LIPI: variants seen among roughly 807,000 people sequenced by gnomAD.
LIPI encodes lipase member I.
LIPI carries 59 observed loss-of-function variants against 50.6 expected under a neutral mutation model. The ratio of observed to expected loss-of-function variants is 1.16; its 90% CI spans 0.94 to 1.45. The LOEUF (loss-of-function observed/expected upper bound fraction) is 1.45. LIPI is among the 40% of genes most tolerant of loss of function. The pLI, the probability that LIPI is intolerant of heterozygous loss-of-function variation, is 0.00. For missense variants in LIPI, 586 were observed against 536.3 expected (o/e 1.09, Z -0.92); for synonymous variants, 203 against 178.2 (o/e 1.14, Z -1.11).
chr21:14,129,784 T>G (rs752012515), intron 9 of LIPI, among the ~76,000 whole-genome samples: 2 of 148,258 alleles, frequency 1.3e-5, no homozygotes, highest in African/African-American at 2.5e-5. Flanking sequence ...ATTTGTTCAA[T>G]AATGACTCTA....
chr21:14,187,013 T>C (rs757402374), intron 2 of LIPI, among the ~76,000 whole-genome samples: 6 of 152,214 alleles, frequency 3.9e-5, no homozygotes, highest in Non-Finnish European at 8.8e-5. Flanking sequence ...ATTATGCTAA[T>C]TTGCCTTCTT....
At chr21:14,159,577 T>G (rs73346025) in intron 7 of LIPI, among the ~76,000 whole-genome samples, 2,655 of 151,276 alleles carry the variant, frequency 0.018, 75 homozygotes, top group African/African-American at 0.06. Flanking sequence ...TTTTTTTTTC[T>G]CTAAGGCAAA....
chr21:14,122,776 C>G (rs1001235058), intron 9 of LIPI, among the ~76,000 whole-genome samples: 1 of 152,120 alleles, frequency 6.6e-6, no homozygotes, highest in Admixed American at 6.6e-5. Flanking sequence ...CCTTTTTGGA[C>G]TAAAGGACAT....
intron 1 of LIPI, among the ~76,000 whole-genome samples, chr21:14,199,628 AG>A (rs2019983206): frequency 6.6e-6 from 1 of 151,578 alleles, no homozygotes; most frequent in African/African-American, 2.4e-5. Flanking sequence ...GCCTAAGAAA[AG>A]TCTGGGACCA....
chr21:14,169,296 C>T (rs1374058213), intron 4 of LIPI, among the ~76,000 whole-genome samples: 3 of 152,096 alleles, frequency 2.0e-5, no homozygotes, highest in Non-Finnish European at 4.4e-5. Context: ...CAACATTAGA[C>T]AGATCAACGA....
intron 1 of LIPI, among the ~76,000 whole-genome samples, chr21:14,204,818 C>T (rs2020180157): frequency 1.3e-5 from 2 of 151,766 alleles, no homozygotes; most frequent in Admixed American, 1.3e-4. Context: ...AAGAAGGACA[C>T]AGTTAATATA....
At chr21:14,123,993 T>G (rs1223308666) in intron 9 of LIPI, among the ~76,000 whole-genome samples, 1 of 152,346 alleles carries the variant, frequency 6.6e-6, no homozygotes, top group East Asian at 1.9e-4. Context: ...CATGTCCCAG[T>G]CCAGACTTGG....
chr21:14,173,239 C>T lies in LIPI; in HGVS notation c.644-6788G>A, dbSNP rs1352583559. Among the ~76,000 whole-genome samples, 3 of 152,178 alleles carry T rather than the reference C, an allele frequency of 2.0e-5. No homozygotes were observed. In the South Asian group the frequency reaches 6.2e-4, roughly 32 times the overall value. On this transcript the variant is annotated intron_variant, in intron 4 of 9. Coordinates refer to ENST00000681601, the MANE Select transcript of LIPI (RefSeq NM_001302998.2). Reference sequence around the variant, plus strand: ...CAAAGGAAGCCAAGTCCTACAGATCCTTTTCGATCAGTGTGATGATTTGCT... The same window carrying T: ...CAAAGGAAGCCAAGTCCTACAGATCTTTTTCGATCAGTGTGATGATTTGCT...
At chr21:14,179,446 G>C (rs2019196744) in intron 4 of LIPI, among the ~76,000 whole-genome samples, 1 of 152,052 alleles carries the variant, frequency 6.6e-6, no homozygotes, top group South Asian at 2.1e-4. Context: ...GATCTGATAG[G>C]TTGCATCATC....
chr21:14,113,394 T>C (rs995237487), intron 9 of LIPI, among the ~76,000 whole-genome samples: 21 of 152,196 alleles, frequency 1.4e-4, no homozygotes, highest in African/African-American at 4.6e-4. Context: ...AACTACGATG[T>C]TTGAGATGAA....
chr21:14,139,523 G>C (rs2017627007), intron 9 of LIPI, among the ~76,000 whole-genome samples: 1 of 151,974 alleles, frequency 6.6e-6, no homozygotes, highest in Non-Finnish European at 1.5e-5. Flanking sequence ...CACAGTTCAA[G>C]GCACTTGAAA....
At chr21:14,142,702 T>C (rs533522795) in intron 9 of LIPI, among the ~76,000 whole-genome samples, 4 of 151,718 alleles carry the variant, frequency 2.6e-5, no homozygotes, top group Non-Finnish European at 5.9e-5. Context: ...CACGCTGGTC[T>C]CAAACTCTTG....
intron 9 of LIPI, among the ~76,000 whole-genome samples, chr21:14,133,272 TA>T (rs901975655): frequency 6.6e-6 from 1 of 152,066 alleles, no homozygotes; most frequent in Middle Eastern, 3.2e-3. Context: ...CATAGCACAT[TA>T]AAAAAATAAT....
intron 9 of LIPI, among the ~76,000 whole-genome samples, chr21:14,119,475 G>A (rs1348113881): frequency 1.3e-5 from 2 of 152,158 alleles, no homozygotes; most frequent in Admixed American, 1.3e-4. Flanking sequence ...GCATTCCTCA[G>A]CCAGACACAA....
intron 1 of LIPI, among the ~76,000 whole-genome samples, chr21:14,191,294 G>T (rs966447076): frequency 2.0e-5 from 3 of 149,606 alleles, no homozygotes; most frequent in Non-Finnish European, 4.5e-5. Flanking sequence ...GGAGAATGGC[G>T]GGAACCCGGG....
chr21:14,112,069 C>A (rs1164446152), intron 9 of LIPI, among the ~76,000 whole-genome samples: 1 of 152,012 alleles, frequency 6.6e-6, no homozygotes, highest in Non-Finnish European at 1.5e-5. Flanking sequence ...TTACCCACTC[C>A]AACACTATTT....
At chr21:14,148,183 C>A (rs1008856060) in intron 8 of LIPI, among the ~76,000 whole-genome samples, 2 of 151,998 alleles carry the variant, frequency 1.3e-5, no homozygotes, top group South Asian at 4.1e-4. Flanking sequence ...CACATAGGGG[C>A]ATGTACAAGA....
rs189812507 is a variant in LIPI, at chr21:14,117,373, C to T, written c.1296-8293G>A. On this transcript the variant is annotated intron_variant, in intron 9 of 9. Transcript: ENST00000681601. ...TCTGTCACTGTTCAATACAGAAGAA[C>T]GCTGCAGAGTAATACAAGTGGCTAA... 1.2e-4 allele frequency among the ~76,000 whole-genome samples: 19 copies of T among 152,278 alleles called. 1 individual carries two copies. Among genetic ancestry groups the T allele is most frequent in the South Asian group, 4.1e-4 (2 of 4,824 alleles).
intron 4 of LIPI, among the ~76,000 whole-genome samples, chr21:14,172,127 C>A (rs912010389): frequency 6.6e-6 from 1 of 152,038 alleles, no homozygotes; most frequent in Non-Finnish European, 1.5e-5. Flanking sequence ...TGCTCACCAT[C>A]ACTGGCCATC....
Sources: gnomAD v4.1 joint callset for allele counts (sites outside exome capture counted in the v4.1 genomes callset) on GRCh38, gnomAD v4.1.1 for gene constraint, MANE v1.5 for transcripts, NCBI Gene and HGNC (gene_info 2026-07-23, HGNC 2026-07-21) for gene names.